GEN1: variants seen among roughly 807,000 people sequenced by gnomAD.
The protein encoded by GEN1 is GEN1 structure-specific endonuclease.
GEN1 carries 64 observed loss-of-function variants against 67.6 expected under a neutral mutation model. That is an observed-to-expected ratio of 0.95 (90% CI 0.77 to 1.17). The LOEUF (loss-of-function observed/expected upper bound fraction) is 1.17, where lower values mean the gene tolerates loss of function less well. Among genes scored for constraint, GEN1 ranks in the 50% most tolerant of loss-of-function variants. The pLI is 0.00. For synonymous variants in GEN1, 371 were observed against 359.4 expected (o/e 1.03, Z -0.37); for missense variants, 1,058 against 1,048.3 (o/e 1.01, Z -0.13).
intron 2 of GEN1, among the ~76,000 whole-genome samples, chr2:17,760,492 A>G (rs1003736521): frequency 2.6e-5 from 4 of 152,216 alleles, no homozygotes; most frequent in Non-Finnish European, 1.5e-5. Flanking sequence ...GCACCACCTC[A>G]GTCTATGCCA....
At position 17,764,949 on chromosome 2, in the gene GEN1, A is replaced by T; in HGVS notation, c.401A>T (p.Glu134Val). ...ATCCCCTGGGTTCAGGCTGCTGGGG[A>T]AGCTGAAGCCATGTGTGCTTATCTC... ...LGIPWVQAAG[E>V]AEAMCAYLNA... is the part of the protein sequence containing the mutation. Residue 134 changes from glutamate to valine, a missense_variant, in exon 4 of 14, where the codon GAA (glutamate) becomes GTA (valine). Glu to Val is a moderately radical substitution (Grantham distance 121). Transcript: ENST00000381254. 2 of 1,614,144 alleles carry T rather than the reference A, an allele frequency of 1.2e-6. No homozygotes were observed. Among genetic ancestry groups the T allele is most frequent in the Non-Finnish European group, 1.7e-6 (2 of 1,180,010 alleles).
chr2:17,780,817 T>TC lies in GEN1; in HGVS notation c.1607dup (p.Cys537MetfsTer21). The TC allele has an allele frequency of 6.2e-7, 1 of 1,613,966 alleles. No individual in the cohort carries two copies. Reference sequence around the variant, plus strand: ...ATAGCTTGCTTTTACCTAAAAATACTCCATGTTTGAATGCACAAGAACAGT... The same window carrying TC: ...ATAGCTTGCTTTTACCTAAAAATACTCCCATGTTTGAATGCACAAGAACAGT... On this transcript the variant is annotated frameshift_variant, in exon 14 of 14. Coordinates refer to ENST00000381254, the MANE Select transcript of GEN1 (RefSeq NM_001130009.3). LOFTEE classifies it low-confidence loss of function (END_TRUNC).
At position 17,783,723 on chromosome 2, in the gene GEN1, A is replaced by C. The variant is rs957545297; in HGVS notation, c.*1784A>C. ...TTATGGTCAGTTGATTTTAAACCAG[A>C]GTGCCAAGACAATTCAATGGGAAAA... On this transcript the variant is annotated 3_prime_UTR_variant, in exon 14 of 14. Coordinates refer to ENST00000381254, the MANE Select transcript of GEN1 (RefSeq NM_001130009.3). 6.6e-6 allele frequency: 1 copy of C among 152,368 alleles called. No homozygotes were observed. Among genetic ancestry groups the C allele is most frequent in the Middle Eastern group, 3.4e-3 (1 of 294 alleles). 9.4% of individuals were successfully genotyped at this position (152,368 alleles called of 1,614,324 possible). A position where few individuals can be genotyped will look rare whatever the true frequency, so the allele number is the denominator to read the frequency against.
At chr2:17,764,826 A>G (rs1671847070) in intron 3 of GEN1, 71 bp from the exon 4 acceptor site, 1 of 1,350,578 alleles carries the variant, frequency 7.4e-7, no homozygotes, top group Non-Finnish European at 1.0e-6. Flanking sequence ...TAATACAGAA[A>G]TAGGTTTAAT....
intron 6 of GEN1, chr2:17,770,953 A>G (rs1672157107): frequency 2.1e-6 from 1 of 471,806 alleles, no homozygotes; most frequent in African/African-American, 2.0e-5. Context: ...AGATACCGAT[A>G]TATAGATACA....
rs1468223982 is a variant in GEN1 at position 17,781,171 on chromosome 2, G to T, written c.1959G>T (p.Gly653=). 3 of 1,613,764 alleles carry T rather than the reference G, an allele frequency of 1.9e-6. No individual in the cohort carries two copies. The highest frequency in any genetic ancestry group is 2.5e-6 in the Non-Finnish European group (3 of 1,179,872). ...IKKVLDEDSD[G]ISPEEHLLSG... The stretch of plus-strand genomic sequence containing the variant: ...AAGTGTTGGATGAGGATTCTGATGG[G>T]ATTAGTCCTGAAGAGCATCTACTTT... Residue 653 remains glycine, a synonymous_variant, in exon 14 of 14, where the codon GGG becomes GGT. Transcript: ENST00000381254.
At position 17,787,062 on chromosome 2, in the gene GEN1, C is replaced by A. The variant is rs1052715612; in HGVS notation, c.*5123C>A. The A allele has an allele frequency of 2.6e-5, 4 of 152,182 alleles. No homozygotes were observed. Among genetic ancestry groups the A allele is most frequent in the African/African-American group, 9.7e-5 (4 of 41,428 alleles). The allele number at this position is 152,182 out of a possible 1,614,324, so 9.4% of individuals were successfully genotyped here. A position where few individuals can be genotyped will look rare whatever the true frequency, so the allele number is the denominator to read the frequency against. On this transcript the variant is annotated 3_prime_UTR_variant, in exon 14 of 14. Coordinates refer to ENST00000381254, the MANE Select transcript of GEN1 (RefSeq NM_001130009.3). ...CTAAGACCATTTGTTATTCCCTGCA[C>A]GGATGTCTCTGCCTGAAATGCTTGC...
At chr2:17,779,836 G>A in intron 12 of GEN1, 142 bp from the exon 13 acceptor site, 1 of 540,116 alleles carries the variant, frequency 1.9e-6, no homozygotes. Context: ...TGGTCAGGCT[G>A]GTCTCGAACT....
chr2:17,765,085 C>G lies in GEN1; in HGVS notation c.525+12C>G. On this transcript the variant is annotated intron_variant, in intron 4 of 13. Coordinates refer to ENST00000381254, the MANE Select transcript of GEN1 (RefSeq NM_001130009.3). ...CTATGAATACAAAGGTGTTTATTTT[C>G]TTTCTCTTTTTCAGCATTTGTTTAC... is the stretch of plus-strand genomic sequence containing the variant. 1.2e-6 allele frequency: 2 copies of G among 1,611,734 alleles called. No homozygotes were observed. The highest frequency in any genetic ancestry group is 4.5e-5 in the East Asian group (2 of 44,814).
At chr2:17,757,812 AT>A (rs1243189656) in intron 1 of GEN1, among the ~76,000 whole-genome samples, 1 of 152,188 alleles carries the variant, frequency 6.6e-6, no homozygotes, top group Non-Finnish European at 1.5e-5. Flanking sequence ...ATCTAAAAAG[AT>A]TTCTGGTTTA....
At chr2:17,763,343 T>TA (rs1671770100) in intron 3 of GEN1, among the ~76,000 whole-genome samples, 1 of 152,152 alleles carries the variant, frequency 6.6e-6, no homozygotes, top group Non-Finnish European at 1.5e-5. Context: ...TCCTCAATCT[T>TA]AGAGTGTTAA....
In GEN1 at chr2:17,784,513, A is replaced by G. The variant is rs1672987146; in HGVS notation, c.*2574A>G. On this transcript the variant is annotated 3_prime_UTR_variant, in exon 14 of 14. Coordinates refer to ENST00000381254, the MANE Select transcript of GEN1 (RefSeq NM_001130009.3). ...TATCCACATAAAAACCTGTGCACAA[A>G]TGTCCATAGCAGCGTTATTCATAAT... 6.6e-6 allele frequency: 1 copy of G among 152,168 alleles called. No individual in the cohort carries two copies. Among genetic ancestry groups the G allele is most frequent in the Admixed American group, 6.5e-5 (1 of 15,286 alleles). 9.4% of individuals were successfully genotyped at this position (152,168 alleles called of 1,614,324 possible).
rs1205453508 is a variant in GEN1, at chr2:17,783,895, T to G, written c.*1956T>G. On this transcript the variant is annotated 3_prime_UTR_variant, in exon 14 of 14. Coordinates refer to ENST00000381254, the MANE Select transcript of GEN1 (RefSeq NM_001130009.3). ...AATGTAAGCTAAAGCTATAAAACTC[T>G]TAGAAGAAAACATAGACGTAAATCT... The G allele has an allele frequency of 1.3e-5, 2 of 152,204 alleles. No individual in the cohort carries two copies. The highest frequency in any genetic ancestry group is 1.5e-5 in the Non-Finnish European group (1 of 68,042). The allele number at this position is 152,204 out of a possible 1,614,324, so 9.4% of individuals were successfully genotyped here.
chr2:17,770,360 T>C (rs988518017), intron 6 of GEN1, among the ~76,000 whole-genome samples: 1 of 152,196 alleles, frequency 6.6e-6, no homozygotes, highest in Admixed American at 6.5e-5. Context: ...TGCTAATTTT[T>C]AACAGGCTTG....
chr2:17,778,195 CACATAT>C lies in GEN1; in HGVS notation c.1264+134_1264+139del, dbSNP rs1221910936. The C allele has an allele frequency of 2.3e-5, 9 of 399,050 alleles. 1 individual carries two copies. The highest frequency in any genetic ancestry group is 2.1e-4 in the South Asian group (7 of 33,778). The allele number at this position is 399,050 out of a possible 1,614,324, so 24.7% of individuals were successfully genotyped here. Reference sequence around the variant, plus strand: ...ATGTGTATATATATATATACACACACACATATATGTGTATATATATGTATACACACA... The same window carrying C: ...ATGTGTATATATATATATACACACACATGTGTATATATATGTATACACACA... On this transcript the variant is annotated intron_variant, in intron 12 of 13. Transcript: ENST00000381254.
chr2:17,766,741 T>C (rs768832142), intron 5 of GEN1, 52 bp downstream of exon 5: 3 of 955,932 alleles, frequency 3.1e-6, no homozygotes, highest in Non-Finnish European at 5.1e-6. Flanking sequence ...TTTTTCGTAC[T>C]TTATGTGCTG....
Position 17,761,661 on chromosome 2 carries a change from A to T in GEN1, c.348+79A>T, listed in dbSNP as rs114393432. On this transcript the variant is annotated intron_variant, in intron 3 of 13. Coordinates refer to ENST00000381254, the MANE Select transcript of GEN1 (RefSeq NM_001130009.3). ...TACTCTTAATAGTTTGTCATCTTTA[A>T]TACTTATTAATTTTATTGTGACTAG... is the stretch of plus-strand genomic sequence containing the variant. The T allele has an allele frequency of 7.8e-4, 733 of 937,618 alleles. 6 individuals carry two copies. The African/African-American group carries it at 0.011, about 14-fold the overall frequency. The allele number at this position is 937,618 out of a possible 1,614,324, so 58.1% of individuals were successfully genotyped here. A position where few individuals can be genotyped will look rare whatever the true frequency, so the allele number is the denominator to read the frequency against.
At chr2:17,775,103 C>G (rs1672366734) in intron 11 of GEN1, among the ~76,000 whole-genome samples, 1 of 152,126 alleles carries the variant, frequency 6.6e-6, no homozygotes, top group African/African-American at 2.4e-5. Context: ...TTAAAACAGT[C>G]TGACAGGTTT....
chr2:17,778,209 T>TGTGTGTAC, intron 12 of GEN1, 146 bp downstream of exon 12: 1 of 229,218 alleles, frequency 4.4e-6, no homozygotes, highest in South Asian at 5.3e-5. Flanking sequence ...TATATGTGTA[T>TGTGTGTAC]ATATATGTAT....
Sources: allele counts gnomAD v4.1 joint callset (sites outside exome capture counted in the v4.1 genomes callset), GRCh38; gene constraint gnomAD v4.1.1; transcripts MANE v1.5; gene names NCBI Gene and HGNC (gene_info 2026-07-23, HGNC 2026-07-21).